The following SLC25A27 variants were observed in gnomAD, a reference collection of about 807,000 sequenced individuals.
SLC25A27 encodes the protein solute carrier family 25 member 27.
Under a neutral mutation model 49.1 loss-of-function variants are expected in SLC25A27, and 35 were observed. That is an observed-to-expected ratio of 0.71 (90% CI 0.54 to 0.95). The LOEUF (loss-of-function observed/expected upper bound fraction) is 0.95. Ranked by LOEUF, SLC25A27 falls within the 40% of genes least tolerant of loss-of-function variation. The pLI, the probability that SLC25A27 is intolerant of heterozygous loss-of-function variation, is 0.00. For missense variants in SLC25A27, 339 were observed against 397.1 expected (o/e 0.85, Z 1.24); for synonymous variants, 144 against 136.9 (o/e 1.05, Z -0.36).
intron 2 of SLC25A27, among the ~76,000 whole-genome samples, chr6:46,656,332 C>T (rs1762977908): frequency 6.6e-6 from 1 of 150,814 alleles, no homozygotes; most frequent in Non-Finnish European, 1.5e-5. Context: ...AGGTGCACGC[C>T]ACCACACCCA....
Position 46,670,143 on chromosome 6 carries a change from C to A in SLC25A27, c.713C>A (p.Ser238Tyr). Residue 238 changes from serine to tyrosine, a missense_variant, in exon 7 of 9, where the codon TCT becomes TAT. Coordinates refer to ENST00000371347, the MANE Select transcript of SLC25A27 (RefSeq NM_004277.5). The stretch of plus-strand genomic sequence containing the variant: ...TTTATTTGTATTTATAGTTTATGTT[C>A]TGGACTGGTAGCTTCTATTCTGGGA... ...IMTHGLSSLCSGLVASILGTP... is the reference protein window; with the variant it reads ...IMTHGLSSLCYGLVASILGTP... 1 of 1,608,572 alleles carries A rather than the reference C, an allele frequency of 6.2e-7. No individual in the cohort carries two copies.
Position 46,662,443 on chromosome 6 carries a change from G to C in SLC25A27, c.451G>C (p.Val151Leu), listed in dbSNP as rs1349127498. Residue 151 changes from valine to leucine, a missense_variant, in exon 4 of 9, where the codon GTG becomes CTG. By Grantham distance (32) the Val-to-Leu change is conservative (BLOSUM62 1). Coordinates refer to ENST00000371347, the MANE Select transcript of SLC25A27 (RefSeq NM_004277.5). ...GQFLANPTDL[V>L]KVQMQMEGKR... ...GTTTTTAGCCAATCCAACTGACCTA[G>C]TGAAGGTTCAGATGCAAATGGAAGG... 1.2e-6 allele frequency: 2 copies of C among 1,613,992 alleles called. No homozygotes were observed. The highest frequency in any genetic ancestry group is 1.7e-5 in the Admixed American group (1 of 60,020).
Position 46,663,356 on chromosome 6 carries a change from C to G in SLC25A27, c.506+858C>G, listed in dbSNP as rs78110354. Reference sequence around the variant, plus strand: ...CTGACCACTGCTGTCTGCCCCTCTTCATGTAGCTGACTCAGTGGAAAAGGA... The same window carrying G: ...CTGACCACTGCTGTCTGCCCCTCTTGATGTAGCTGACTCAGTGGAAAAGGA... On this transcript the variant is annotated intron_variant, in intron 4 of 8. Coordinates refer to ENST00000371347, the MANE Select transcript of SLC25A27 (RefSeq NM_004277.5). Among the ~76,000 whole-genome samples the G allele has an allele frequency of 1.5e-3, 224 of 152,266 alleles. 1 individual carries two copies. Among genetic ancestry groups the G allele is most frequent in the African/African-American group, 5.3e-3 (220 of 41,546 alleles).
chr6:46,657,734 G>A (rs1270747928), intron 2 of SLC25A27, among the ~76,000 whole-genome samples: 1 of 152,120 alleles, frequency 6.6e-6, no homozygotes, highest in African/African-American at 2.4e-5. Flanking sequence ...ATTTATTACA[G>A]TGCCAAATCT....
At chr6:46,672,450 A>T (rs1763591880) in intron 8 of SLC25A27, among the ~76,000 whole-genome samples, 1 of 152,136 alleles carries the variant, frequency 6.6e-6, no homozygotes, top group South Asian at 2.1e-4. Context: ...AAAGGCCAGG[A>T]GTAGTGATAT....
At chr6:46,674,344 A>T (rs1332098599) in intron 8 of SLC25A27, among the ~76,000 whole-genome samples, 4 of 152,188 alleles carry the variant, frequency 2.6e-5, no homozygotes, top group Admixed American at 1.3e-4. Context: ...AAGTTCATGT[A>T]GCTAGTATGT....
intron 7 of SLC25A27, 157 bp downstream of exon 7, chr6:46,670,384 G>GA (rs1435367783): frequency 7.4e-5 from 43 of 578,038 alleles, no homozygotes; most frequent in Non-Finnish European, 2.1e-5. Context: ...GCTCTTTGAT[G>GA]AAAAAGTGAC....
rs1293890225 is a variant in SLC25A27 at position 46,668,783 on chromosome 6, G to A, written c.694G>A (p.Gly232Ser). 3.2e-6 allele frequency: 5 copies of A among 1,587,250 alleles called. No homozygotes were observed. Among genetic ancestry groups the A allele is most frequent in the East Asian group, 2.2e-5 (1 of 44,692 alleles). ...TPLEDNIMTH[G>S]LSSLCSGLVA... ...ACTTGAGGACAATATCATGACTCACGGTTTATCAAGGTAAGGATTGTTTTA... is the reference window on the plus strand; with the variant it reads ...ACTTGAGGACAATATCATGACTCACAGTTTATCAAGGTAAGGATTGTTTTA... Residue 232 changes from glycine (G) to serine (S), a missense_variant, in exon 6 of 9, where the codon GGT becomes AGT. Coordinates refer to ENST00000371347, the MANE Select transcript of SLC25A27 (RefSeq NM_004277.5).
At chr6:46,662,567 A>G in intron 4 of SLC25A27, 69 bp downstream of exon 4, 1 of 1,511,326 alleles carries the variant, frequency 6.6e-7, no homozygotes, top group Non-Finnish European at 9.1e-7. Flanking sequence ...ACAAGTACCT[A>G]ATAGAATTAT....
rs1434362526 is a variant in SLC25A27 at position 46,664,855 on chromosome 6, T to C, written c.588T>C (p.Asn196=). The part of the protein sequence containing the change: ...IRGLWAGWVP[N]IQRAALVNMG... ...GGCTTTGGGCAGGCTGGGTACCCAATATACAAAGAGCAGCACTGGTGAATA... is the reference window on the plus strand; with the variant it reads ...GGCTTTGGGCAGGCTGGGTACCCAACATACAAAGAGCAGCACTGGTGAATA... The change falls in exon 5 of 9, where the codon AAT becomes AAC. Residue 196 remains asparagine, a synonymous_variant. Coordinates refer to ENST00000371347, the MANE Select transcript of SLC25A27 (RefSeq NM_004277.5). The C allele has an allele frequency of 3.1e-6, 5 of 1,606,150 alleles. No individual in the cohort carries two copies. The African/African-American group carries it at 5.4e-5, about 17-fold the overall frequency.
intron 1 of SLC25A27, among the ~76,000 whole-genome samples, chr6:46,655,006 C>T (rs1478499820): frequency 6.6e-6 from 1 of 152,078 alleles, no homozygotes; most frequent in Non-Finnish European, 1.5e-5. Context: ...GCTCTATCTT[C>T]CTTATGTAGG....
intron 6 of SLC25A27, among the ~76,000 whole-genome samples, chr6:46,669,039 G>C (rs753435936): frequency 4.0e-5 from 6 of 151,114 alleles, no homozygotes; most frequent in Non-Finnish European, 8.8e-5. Context: ...GCCATCCCAG[G>C]AACAGGCTAT....
chr6:46,661,825 C>A (rs543040565), intron 3 of SLC25A27, among the ~76,000 whole-genome samples: 92 of 152,252 alleles, frequency 6.0e-4, no homozygotes, highest in African/African-American at 2.1e-3. Context: ...TCAGTGAATT[C>A]GTTATTATCT....
intron 8 of SLC25A27, among the ~76,000 whole-genome samples, chr6:46,676,130 T>G (rs751811946): frequency 1.3e-5 from 2 of 152,226 alleles, no homozygotes; most frequent in African/African-American, 2.4e-5. Flanking sequence ...TTCAGTGGTC[T>G]CATCTGAAAA....
intron 5 of SLC25A27, among the ~76,000 whole-genome samples, chr6:46,666,587 T>G (rs1271323327): frequency 3.3e-5 from 5 of 152,200 alleles, no homozygotes; most frequent in South Asian, 4.1e-4. Flanking sequence ...TCTTTATGAT[T>G]GTACTTTCTT....
intron 2 of SLC25A27, chr6:46,658,484 A>G (rs771958642): frequency 1.8e-5 from 8 of 446,064 alleles, no homozygotes; most frequent in Non-Finnish European, 2.7e-5. Flanking sequence ...TTCTCCAATG[A>G]AATTATGTAT....
chr6:46,671,401 A>G (rs2150655154), intron 8 of SLC25A27, among the ~76,000 whole-genome samples, 173 bp downstream of exon 8: 1 of 152,000 alleles, frequency 6.6e-6, no homozygotes, highest in East Asian at 1.9e-4. Context: ...CCTCAGAGTT[A>G]TCTTGCCTTC....
At chr6:46,653,675 C>G in intron 1 of SLC25A27, 1 of 985,286 alleles carries the variant, frequency 1.0e-6, no homozygotes, top group Non-Finnish European at 1.2e-6. Flanking sequence ...TATAGTCTTA[C>G]ACAGCCACAC....
rs778162135 is a variant in SLC25A27, at chr6:46,671,165, G to A, written c.837G>A (p.Gln279=). The change falls in exon 8 of 9, where the codon CAG becomes CAA. Residue 279 remains glutamine, a synonymous_variant. Coordinates refer to ENST00000371347, the MANE Select transcript of SLC25A27 (RefSeq NM_004277.5). Reference sequence around the variant, plus strand: ...AATCATCGACTGACTGCTTGATTCAGGCTGTTCAAGGTGAAGGATTCATGA... The same window carrying A: ...AATCATCGACTGACTGCTTGATTCAAGCTGTTCAAGGTGAAGGATTCATGA... ...LYKSSTDCLI[Q]AVQGEGFMSL... is the part of the protein sequence containing the mutation. 3 of 1,601,826 alleles carry A rather than the reference G, an allele frequency of 1.9e-6. No individual in the cohort carries two copies. The highest frequency in any genetic ancestry group is 2.6e-6 in the Non-Finnish European group (3 of 1,175,302).
Sources: allele counts gnomAD v4.1 joint callset (sites outside exome capture counted in the v4.1 genomes callset), GRCh38; gene constraint gnomAD v4.1.1; transcripts MANE v1.5; gene names NCBI Gene and HGNC (gene_info 2026-07-23, HGNC 2026-07-21).